The following CSMD1 variants were observed in gnomAD, a reference collection of about 807,000 sequenced individuals.
CSMD1 encodes CUB and Sushi multiple domains 1, also known as CUB and sushi domain-containing protein 1.
In CSMD1, 213 loss-of-function variants were observed where a neutral mutation model predicts 417.5. That is an observed-to-expected ratio of 0.51 (90% CI 0.46 to 0.57). CSMD1 has a LOEUF of 0.57. CSMD1 is among the 20% of genes least tolerant of loss of function. The pLI, the probability that CSMD1 is intolerant of heterozygous loss-of-function variation, is 0.00. For missense variants in CSMD1, 6,923 were observed against 4,529.7 expected (o/e 1.53, Z -15.17); for synonymous variants, 2,862 against 1,736.8 (o/e 1.65, Z -16.11).
At chr8:3,729,509 C>T (rs1007115036) in intron 6 of CSMD1, among the ~76,000 whole-genome samples, 3 of 152,142 alleles carry the variant, frequency 2.0e-5, no homozygotes, top group African/African-American at 7.2e-5. Flanking sequence ...GCAAGACAGA[C>T]TGTGGAACCT....
intron 1 of CSMD1, among the ~76,000 whole-genome samples, chr8:4,736,483 A>G (rs1161525780): frequency 6.6e-6 from 1 of 152,126 alleles, no homozygotes; most frequent in Non-Finnish European, 1.5e-5. Context: ...AAGAAAAACT[A>G]AAGAAGTCAG....
chr8:3,644,580 T>A (rs769499063), intron 7 of CSMD1, among the ~76,000 whole-genome samples: 1 of 152,090 alleles, frequency 6.6e-6, no homozygotes, highest in South Asian at 2.1e-4. Flanking sequence ...ATCTGAAGGA[T>A]TGCAGAGCTG....
intron 3 of CSMD1, among the ~76,000 whole-genome samples, chr8:4,093,005 C>A (rs925545871): frequency 6.6e-6 from 1 of 151,894 alleles, no homozygotes; most frequent in South Asian, 2.1e-4. Flanking sequence ...AAGAAAAGAC[C>A]ACTGAGGAAT....
At chr8:3,154,768 C>T (rs1012075787) in intron 39 of CSMD1, among the ~76,000 whole-genome samples, 1 of 152,092 alleles carries the variant, frequency 6.6e-6, no homozygotes, top group African/African-American at 2.4e-5. Flanking sequence ...GATATATTAA[C>T]CTCTAGAGAA....
intron 26 of CSMD1, among the ~76,000 whole-genome samples, chr8:3,276,611 C>A (rs1277661629): frequency 6.6e-6 from 1 of 152,078 alleles, no homozygotes; most frequent in Non-Finnish European, 1.5e-5. Context: ...GTGGGAGCTA[C>A]AATTCAAGAT....
At chr8:4,407,794 G>C (rs1486794451) in intron 3 of CSMD1, among the ~76,000 whole-genome samples, 2 of 152,276 alleles carry the variant, frequency 1.3e-5, no homozygotes, top group African/African-American at 2.4e-5. Flanking sequence ...ACACATGTCA[G>C]TATTGTGGCA....
At chr8:4,095,662 G>A (rs1020191148) in intron 3 of CSMD1, among the ~76,000 whole-genome samples, 1 of 152,158 alleles carries the variant, frequency 6.6e-6, no homozygotes, top group Non-Finnish European at 1.5e-5. Flanking sequence ...TTCAACAACT[G>A]AGGGTTCTTG....
intron 3 of CSMD1, among the ~76,000 whole-genome samples, chr8:4,391,732 G>A (rs902076399): frequency 6.6e-6 from 1 of 152,142 alleles, no homozygotes; most frequent in African/African-American, 2.4e-5. Flanking sequence ...CAAGTGCAAT[G>A]TGCCTGAAGC....
intron 4 of CSMD1, among the ~76,000 whole-genome samples, chr8:4,006,906 C>A (rs1018618312): frequency 2.8e-5 from 4 of 141,122 alleles, no homozygotes; most frequent in African/African-American, 1.1e-4. Flanking sequence ...CGGCTCACTG[C>A]AAGCTCCGCC....
At chr8:3,802,235 T>C (rs1036480646) in intron 5 of CSMD1, among the ~76,000 whole-genome samples, 12 of 152,196 alleles carry the variant, frequency 7.9e-5, no homozygotes, top group African/African-American at 2.9e-4. Context: ...ATATACATGA[T>C]AGAGGCATAA....
At chr8:3,945,434 C>T (rs1253579086) in intron 5 of CSMD1, among the ~76,000 whole-genome samples, 1 of 152,010 alleles carries the variant, frequency 6.6e-6, no homozygotes, top group African/African-American at 2.4e-5. Flanking sequence ...CAAATAACTT[C>T]AATAGTCTAA....
At chr8:3,821,409 A>G (rs142097631) in intron 5 of CSMD1, among the ~76,000 whole-genome samples, 40 of 152,332 alleles carry the variant, frequency 2.6e-4, no homozygotes, top group African/African-American at 9.4e-4. Context: ...ACACACGCGC[A>G]TGTGGATTAT....
rs1396985768 is a variant in CSMD1, at chr8:3,096,965, T to A, written c.7022A>T (p.Tyr2341Phe). 2 of 1,555,440 alleles carry A rather than the reference T, an allele frequency of 1.3e-6. No individual in the cohort carries two copies. The highest frequency in any genetic ancestry group is 3.9e-5 in the Admixed American group (2 of 51,456). ...VILSPGYPGN[Y>F]FNSQTCSWSI... ...CCAAGAGCAAGTCTGGGAGTTAAAATAATTACCCGGATACCCTGGACTGAG... is the reference window on the plus strand; with the variant it reads ...CCAAGAGCAAGTCTGGGAGTTAAAAAAATTACCCGGATACCCTGGACTGAG... The change falls in exon 47 of 70, where the codon TAT (tyrosine) becomes TTT (phenylalanine). Residue 2341 changes from tyrosine to phenylalanine, a missense_variant. Tyr to Phe is a conservative substitution (Grantham distance 22). Transcript: ENST00000635120.
At chr8:4,760,856 G>A (rs143806956) in intron 1 of CSMD1, among the ~76,000 whole-genome samples, 10 of 152,292 alleles carry the variant, frequency 6.6e-5, no homozygotes, top group South Asian at 4.1e-4. Flanking sequence ...CATAATGCCT[G>A]TAATATACAA....
At chr8:3,980,170 G>A (rs1258609927) in intron 5 of CSMD1, among the ~76,000 whole-genome samples, 1 of 152,090 alleles carries the variant, frequency 6.6e-6, no homozygotes, top group African/African-American at 2.4e-5. Context: ...TATAATATAT[G>A]ACACAATGTT....
At chr8:4,721,220 A>T (rs537837268) in intron 1 of CSMD1, among the ~76,000 whole-genome samples, 4 of 152,298 alleles carry the variant, frequency 2.6e-5, no homozygotes, top group African/African-American at 9.6e-5. Flanking sequence ...TTACTGAAAC[A>T]TAGGAATTGT....
chr8:3,568,782 G>C (rs1044233939), intron 10 of CSMD1, among the ~76,000 whole-genome samples: 1 of 151,854 alleles, frequency 6.6e-6, no homozygotes, highest in Non-Finnish European at 1.5e-5. Context: ...AAAGATGTTA[G>C]TAGAAGACAG....
At chr8:3,141,903 C>T (rs184893161) in intron 41 of CSMD1, among the ~76,000 whole-genome samples, 3,924 of 151,746 alleles carry the variant, frequency 0.026, 310 homozygotes, top group Admixed American at 0.17. Context: ...GTTCACGCCA[C>T]TCTCCTGCCT....
intron 5 of CSMD1, among the ~76,000 whole-genome samples, chr8:3,766,844 T>C (rs1382894095): frequency 1.3e-5 from 2 of 152,152 alleles, no homozygotes; most frequent in Non-Finnish European, 2.9e-5. Flanking sequence ...GAAATGAGTC[T>C]ACCATTTTCT....
Sources: gnomAD v4.1 joint callset for allele counts (sites outside exome capture counted in the v4.1 genomes callset) on GRCh38, gnomAD v4.1.1 for gene constraint, MANE v1.5 for transcripts, NCBI Gene and HGNC (gene_info 2026-07-23, HGNC 2026-07-21) for gene names.